The following MCM9 variants were observed in gnomAD, a reference collection of about 807,000 sequenced individuals.
The protein encoded by MCM9 is minichromosome maintenance 9 homologous recombination repair factor.
A neutral mutation model predicts 72.8 loss-of-function variants in MCM9; 55 were observed. That is an observed-to-expected ratio of 0.76 (90% CI 0.61 to 0.95). The LOEUF (loss-of-function observed/expected upper bound fraction) is 0.95, where lower values mean the gene tolerates loss of function less well. Among genes scored for constraint, MCM9 ranks in the 40% least tolerant of loss-of-function variants. The pLI, the probability that MCM9 is intolerant of heterozygous loss-of-function variation, is 0.00. For missense variants in MCM9, 1,279 were observed against 1,377.0 expected (o/e 0.93, Z 1.13); for synonymous variants, 480 against 503.4 (o/e 0.95, Z 0.62).
At chr6:118,916,867 A>G (rs1304852143) in intron 6 of MCM9, among the ~76,000 whole-genome samples, 5 of 152,326 alleles carry the variant, frequency 3.3e-5, no homozygotes, top group African/African-American at 1.2e-4. Context: ...AAAGTAATCA[A>G]TATCTCTTAG....
At chr6:118,864,196 T>C (rs1192842775) in intron 8 of MCM9, among the ~76,000 whole-genome samples, 1 of 152,116 alleles carries the variant, frequency 6.6e-6, no homozygotes, top group African/African-American at 2.4e-5. Context: ...AAGCAGTCTT[T>C]TGTCCCTCAC....
intron 5 of MCM9, chr6:118,920,205 C>T (rs1781320360): frequency 6.6e-6 from 1 of 152,124 alleles, no homozygotes; most frequent in Non-Finnish European, 1.5e-5. Context: ...AAATCTAGTC[C>T]TATATGAGCA....
intron 8 of MCM9, chr6:118,893,945 G>GCCGCAGCCACGCCTCCCCC: frequency 6.5e-6 from 6 of 916,294 alleles, no homozygotes; most frequent in Non-Finnish European, 6.5e-6. Context: ...ACGCCTCCCC[G>GCCGCAGCCACGCCTCCCCC]CCGCGGCCAC....
chr6:118,824,881 C>T (rs1162514136), intron 13 of MCM9, among the ~76,000 whole-genome samples: 1 of 152,170 alleles, frequency 6.6e-6, no homozygotes, highest in Non-Finnish European at 1.5e-5. Flanking sequence ...AACACCAGAA[C>T]ATGCCTCTAC....
intron 8 of MCM9, among the ~76,000 whole-genome samples, chr6:118,904,883 G>A (rs1050371315): frequency 2.6e-5 from 4 of 152,144 alleles, no homozygotes; most frequent in Non-Finnish European, 4.4e-5. Context: ...CTGTCGCCAG[G>A]CTGGAGTGCA....
At position 118,922,345 on chromosome 6, in the gene MCM9, C is replaced by A. The variant is rs900176758; in HGVS notation, c.622-259G>T. 2.2e-4 allele frequency among the ~76,000 whole-genome samples: 34 copies of A among 152,132 alleles called. 1 individual carries two copies. The highest frequency in any genetic ancestry group is 8.0e-4 in the African/African-American group (33 of 41,438). On this transcript the variant is annotated intron_variant, in intron 4 of 13. Transcript: ENST00000619706. ...TGCGGGTGGTCAAAGTAAACGTATG[C>A]TCCAACTACTAAATTTAATAACAAA...
In MCM9 at chr6:118,935,096, C is replaced by G. The variant is rs1489815269; in HGVS notation, c.-355G>C. ...AGCGCCTGCGGCTCTGCCGGGCCTG[C>G]GCTCTCGACCGACGCCGGGCCGCGC... On this transcript the variant is annotated 5_prime_UTR_variant, in exon 1 of 14. Coordinates refer to ENST00000619706, the MANE Select transcript of MCM9 (RefSeq NM_017696.3). The G allele has an allele frequency of 1.3e-5, 2 of 152,100 alleles. No homozygotes were observed. The highest frequency in any genetic ancestry group is 2.4e-5 in the African/African-American group (1 of 41,438). 9.4% of individuals were successfully genotyped at this position (152,100 alleles called of 1,614,324 possible). A position where few individuals can be genotyped will look rare whatever the true frequency, so the allele number is the denominator to read the frequency against.
rs527877743 is a variant in MCM9 at position 118,866,846 on chromosome 6, A to G, written c.1151-10301T>C. ...GGAAGCCCAAACAATACCAAATAAG[A>G]TGAATCCAAAGAAACCTATGCCAAG... On this transcript the variant is annotated intron_variant, in intron 8 of 13. Transcript: ENST00000619706. Among the ~76,000 whole-genome samples, 240 of 152,348 alleles carry G rather than the reference A, an allele frequency of 1.6e-3. 1 individual carries two copies. Among genetic ancestry groups the G allele is most frequent in the Non-Finnish European group, 2.5e-3 (171 of 68,026 alleles).
rs931194142 is a variant in MCM9, at chr6:118,866,462, G to GA, written c.1151-9918dup. Among the ~76,000 whole-genome samples, 34 of 151,822 alleles carry GA rather than the reference G, an allele frequency of 2.2e-4. 1 individual carries two copies. Among genetic ancestry groups the GA allele is most frequent in the African/African-American group, 8.0e-4 (33 of 41,338 alleles). ...CACCAGGGTCAACAGAGCAATGCAA[G>GA]AAAAAAATGAGAACATCAACAAAGA... On this transcript the variant is annotated intron_variant, in intron 8 of 13. Transcript: ENST00000619706.
rs1016402595 is a variant in MCM9 at position 118,828,048 on chromosome 6, T to A, written c.1611A>T (p.Thr537=). The change falls in exon 11 of 14, where the codon ACA becomes ACT. Residue 537 remains threonine (T), a synonymous_variant. Transcript: ENST00000619706. ...GAACCTGATTGCCCACATCAGACAG[T>A]GTGGGCTGCAGATTCCTTATGAGGC... ...YFCLIRNLQP[T]LSDVGNQVLL... 1.3e-6 allele frequency: 2 copies of A among 1,550,642 alleles called. No homozygotes were observed. The highest frequency in any genetic ancestry group is 2.7e-5 in the African/African-American group (2 of 73,030).
chr6:118,883,373 ATT>A (rs1778416057), intron 8 of MCM9, among the ~76,000 whole-genome samples: 1 of 151,954 alleles, frequency 6.6e-6, no homozygotes, highest in Admixed American at 6.5e-5. Context: ...ATATATATAT[ATT>A]GGGAGTACCA....
chr6:118,911,276 G>C, intron 8 of MCM9: 1 of 992,764 alleles, frequency 1.0e-6, no homozygotes, highest in Non-Finnish European at 1.2e-6. Flanking sequence ...GCATGAAAAT[G>C]CCTTAAGCTC....
intron 1 of MCM9, among the ~76,000 whole-genome samples, chr6:118,933,457 G>GACC (rs1168272420): frequency 1.3e-5 from 2 of 149,696 alleles, no homozygotes; most frequent in Non-Finnish European, 2.9e-5. Context: ...AGTGAGCCGA[G>GACC]ACCACGCCAC....
chr6:118,905,684 T>C (rs1780134577), intron 8 of MCM9: 1 of 1,613,370 alleles, frequency 6.2e-7, no homozygotes, highest in African/African-American at 1.3e-5. Context: ...TCATTCCAGA[T>C]GCAGATGCAG....
At chr6:118,890,669 T>G (rs1778884652) in intron 8 of MCM9, among the ~76,000 whole-genome samples, 1 of 152,228 alleles carries the variant, frequency 6.6e-6, no homozygotes, top group Non-Finnish European at 1.5e-5. Flanking sequence ...AAATCATTAT[T>G]GTACAATTTA....
intron 8 of MCM9, among the ~76,000 whole-genome samples, chr6:118,887,585 G>C (rs905490813): frequency 2.0e-5 from 3 of 152,070 alleles, no homozygotes; most frequent in African/African-American, 7.2e-5. Flanking sequence ...TTTGAGAAAT[G>C]ACATCAAAAG....
chr6:118,832,607 A>G (rs1202811450), intron 9 of MCM9, among the ~76,000 whole-genome samples: 1 of 152,226 alleles, frequency 6.6e-6, no homozygotes. Flanking sequence ...AAGACATTCC[A>G]ATTTCTGAAA....
chr6:118,863,888 T>C (rs1200301224), intron 8 of MCM9, among the ~76,000 whole-genome samples: 1 of 152,076 alleles, frequency 6.6e-6, no homozygotes, highest in Non-Finnish European at 1.5e-5. Context: ...CAGTCTTAGG[T>C]ATTTAGTTAT....
intron 8 of MCM9, chr6:118,910,650 G>A (rs1476386362): frequency 6.1e-6 from 6 of 985,302 alleles, no homozygotes; most frequent in Non-Finnish European, 7.2e-6. Context: ...CAGAACTCTA[G>A]AACACTGGGT....
Sources: allele counts gnomAD v4.1 joint callset (sites outside exome capture counted in the v4.1 genomes callset), GRCh38; gene constraint gnomAD v4.1.1; transcripts MANE v1.5; gene names NCBI Gene and HGNC (gene_info 2026-07-23, HGNC 2026-07-21).